TRUB2: variants seen among roughly 807,000 people sequenced by gnomAD.
The protein encoded by TRUB2 is TruB pseudouridine synthase family member 2.
TRUB2 carries 31 observed loss-of-function variants against 31.9 expected under a neutral mutation model. The observed-to-expected ratio is 0.97, with a 90% confidence interval of 0.73 to 1.31. The LOEUF is 1.31. TRUB2 is among the 50% of genes most tolerant of loss of function. The pLI is 0.00. For missense variants in TRUB2, 451 were observed against 439.6 expected (o/e 1.03, Z -0.23); for synonymous variants, 201 against 182.6 (o/e 1.10, Z -0.81).
In TRUB2 at chr9:128,317,192, G is replaced by A. The variant is rs763500265; in HGVS notation, c.276C>T (p.Gly92=). ...CGPAFAHLKV[G]VGHRLDAQAS... is the part of the protein sequence containing the mutation. Reference sequence around the variant, plus strand: ...CCTGGGCATCCAACCGATGTCCCACGCCAACCTTGAGATGGGCGAATGCTG... The same window carrying A: ...CCTGGGCATCCAACCGATGTCCCACACCAACCTTGAGATGGGCGAATGCTG... The change falls in exon 3 of 8, where the codon GGC becomes GGT. Residue 92 remains glycine (G), a synonymous_variant. Coordinates refer to ENST00000372890, the MANE Select transcript of TRUB2 (RefSeq NM_015679.3). The A allele has an allele frequency of 1.9e-6, 3 of 1,594,606 alleles. No individual in the cohort carries two copies. Among genetic ancestry groups the A allele is most frequent in the Non-Finnish European group, 1.7e-6 (2 of 1,168,978 alleles).
At position 128,307,928 on chromosome 9, in the gene TRUB2, G is replaced by A. The variant is rs999818267; in HGVS notation, c.*1622C>T. 4.0e-5 allele frequency: 6 copies of A among 151,890 alleles called. No individual in the cohort carries two copies. Among genetic ancestry groups the A allele is most frequent in the African/African-American group, 1.5e-4 (6 of 41,270 alleles). The allele number at this position is 151,890 out of a possible 1,614,324, so 9.4% of individuals were successfully genotyped here. A position where few individuals can be genotyped will look rare whatever the true frequency, so the allele number is the denominator to read the frequency against. ...AAAACAAAAACAGGCCGGGTGTGGT[G>A]GCTCATGCCTGCCATCCCAGTGCTT... On this transcript the variant is annotated 3_prime_UTR_variant, in exon 8 of 8. Coordinates refer to ENST00000372890, the MANE Select transcript of TRUB2 (RefSeq NM_015679.3).
chr9:128,311,161 C>T, intron 6 of TRUB2, 138 bp from the exon 7 acceptor site: 1 of 1,198,158 alleles, frequency 8.3e-7, no homozygotes, highest in Non-Finnish European at 1.2e-6. Context: ...TGCCCTCCTT[C>T]ATCACCAGGT....
intron 5 of TRUB2, among the ~76,000 whole-genome samples, chr9:128,313,037 G>A (rs1832000810): frequency 6.6e-6 from 1 of 151,836 alleles, no homozygotes; most frequent in African/African-American, 2.4e-5. Flanking sequence ...CCAACAGGGT[G>A]AAACCCAATT....
chr9:128,309,731 G>T lies in TRUB2; in HGVS notation c.815C>A (p.Thr272Asn), dbSNP rs774465094. The T allele has an allele frequency of 6.2e-7, 1 of 1,614,248 alleles. No individual in the cohort carries two copies. The highest frequency in any genetic ancestry group is 1.7e-5 in the Admixed American group (1 of 60,030). ...FFTLDSALLR[T>N]QWDLTNIQDA... ...CTGGATGTTGGTTAGGTCCCACTGG[G>T]TCCTCAGGAGGGCACTGTCTAGCGT... The change falls in exon 8 of 8, where the codon ACC becomes AAC. Residue 272 changes from threonine (T) to asparagine (N), a missense_variant. Transcript: ENST00000372890.
chr9:128,315,317 T>C (rs1249043702), intron 4 of TRUB2, among the ~76,000 whole-genome samples: 1 of 152,220 alleles, frequency 6.6e-6, no homozygotes, highest in African/African-American at 2.4e-5. Context: ...GATTCCACTT[T>C]ACAGGGAGGC....
At chr9:128,311,651 T>C in intron 5 of TRUB2, 50 bp from the exon 6 acceptor site, 3 of 1,594,764 alleles carry the variant, frequency 1.9e-6, no homozygotes, top group Non-Finnish European at 2.6e-6. Flanking sequence ...TGAGTATTGG[T>C]CACAGCAAAC....
At chr9:128,311,700 G>A in intron 5 of TRUB2, 99 bp from the exon 6 acceptor site, 1 of 1,325,170 alleles carries the variant, frequency 7.5e-7, no homozygotes, top group Non-Finnish European at 1.1e-6. Flanking sequence ...GGAACATGGA[G>A]AGAGGATGTT....
At chr9:128,315,746 G>T in intron 3 of TRUB2, 118 bp from the exon 4 acceptor site, 1 of 1,205,434 alleles carries the variant, frequency 8.3e-7, no homozygotes, top group Non-Finnish European at 1.2e-6. Context: ...AAGGCAACAA[G>T]AAGGCAAAAA....
intron 1 of TRUB2, 137 bp downstream of exon 1, chr9:128,322,163 C>G: frequency 1.5e-6 from 1 of 671,432 alleles, no homozygotes; most frequent in South Asian, 1.8e-5. Context: ...TAAGAAAGCA[C>G]AGAGAACAGG....
rs1216542042 is a variant in TRUB2 at position 128,321,661 on chromosome 9, C to T, written c.179G>A (p.Ser60Asn). ...VRFLLGPMEGSEEKELTLTAT... is the reference protein window; with the variant it reads ...VRFLLGPMEGNEEKELTLTAT... ...TGTGAGGGTCAGCTCCTTCTCTTCG[C>T]TGCCTTCCATGGGGCCCAGCAAGAA... The change falls in exon 2 of 8, where the codon AGC (serine) becomes AAC (asparagine). Residue 60 changes from serine to asparagine, a missense_variant. Coordinates refer to ENST00000372890, the MANE Select transcript of TRUB2 (RefSeq NM_015679.3). 17 of 1,614,014 alleles carry T rather than the reference C, an allele frequency of 1.1e-5. No homozygotes were observed. Among genetic ancestry groups the T allele is most frequent in the Admixed American group, 3.3e-5 (2 of 60,032 alleles).
rs2131437643 is a variant in TRUB2 at position 128,306,326 on chromosome 9, T to TACC, written c.*3221_*3223dup. On this transcript the variant is annotated 3_prime_UTR_variant, in exon 8 of 8. Coordinates refer to ENST00000372890, the MANE Select transcript of TRUB2 (RefSeq NM_015679.3). ...CAGCCCATGTGCCCTACGTTCAAGTTACCTAATTTTTCCAAAGAACTGAGT... is the reference window on the plus strand; with the variant it reads ...CAGCCCATGTGCCCTACGTTCAAGTTACCACCTAATTTTTCCAAAGAACTGAGT... 6.6e-6 allele frequency: 1 copy of TACC among 152,190 alleles called. No homozygotes were observed. The highest frequency in any genetic ancestry group is 2.1e-4 in the South Asian group (1 of 4,824). 9.4% of individuals were successfully genotyped at this position (152,190 alleles called of 1,614,324 possible). A position where few individuals can be genotyped will look rare whatever the true frequency, so the allele number is the denominator to read the frequency against.
At chr9:128,314,791 T>G (rs533019534) in intron 4 of TRUB2, among the ~76,000 whole-genome samples, 1 of 152,264 alleles carries the variant, frequency 6.6e-6, no homozygotes, top group East Asian at 1.9e-4. Context: ...TTGCCCAGAC[T>G]GGTCTCAAAT....
intron 7 of TRUB2, among the ~76,000 whole-genome samples, chr9:128,310,102 CCCTTT>C (rs1831942835): frequency 6.6e-6 from 1 of 152,042 alleles, no homozygotes; most frequent in African/African-American, 2.4e-5. Context: ...TCAGAATCTG[CCCTTT>C]TTTGGCAACA....
chr9:128,317,334 T>G (rs768643471), intron 2 of TRUB2, 108 bp from the exon 3 acceptor site: 33 of 983,908 alleles, frequency 3.4e-5, no homozygotes, highest in Non-Finnish European at 5.0e-5. Context: ...GAGCCCAAAC[T>G]AGCATCAGGC....
intron 4 of TRUB2, 85 bp from the exon 5 acceptor site, chr9:128,313,974 T>C: frequency 8.0e-7 from 1 of 1,246,492 alleles, no homozygotes; most frequent in Non-Finnish European, 1.2e-6. Flanking sequence ...GGGTGGGGGG[T>C]CCTCAGGTCT....
In TRUB2 at chr9:128,309,948, C is replaced by T. The variant is rs569620729; in HGVS notation, c.671-73G>A. 1.7e-3 allele frequency: 2,577 copies of T among 1,479,312 alleles called. 5 individuals carry two copies. The highest frequency in any genetic ancestry group is 2.2e-3 in the Non-Finnish European group (2,418 of 1,086,492). The allele number at this position is 1,479,312 out of a possible 1,614,324, so 91.6% of individuals were successfully genotyped here. A position where few individuals can be genotyped will look rare whatever the true frequency, so the allele number is the denominator to read the frequency against. On this transcript the variant is annotated intron_variant, in intron 7 of 7. Coordinates refer to ENST00000372890, the MANE Select transcript of TRUB2 (RefSeq NM_015679.3). ...TAGTGTGTGGTTGTGAACGCACACC[C>T]CTTGGATACCTCCTAGGTGTGTAAC...
At chr9:128,317,554 G>A (rs1210982700) in intron 2 of TRUB2, among the ~76,000 whole-genome samples, 1 of 152,204 alleles carries the variant, frequency 6.6e-6, no homozygotes, top group Non-Finnish European at 1.5e-5. Context: ...GGAGGAAAAT[G>A]GAGGCTGTGA....
At chr9:128,315,712 A>T in intron 3 of TRUB2, 84 bp from the exon 4 acceptor site, 1 of 1,472,786 alleles carries the variant, frequency 6.8e-7, no homozygotes, top group Admixed American at 1.9e-5. Context: ...CACCATCAGA[A>T]TACTCCCTTT....
intron 2 of TRUB2, 47 bp downstream of exon 2, chr9:128,321,552 G>A (rs1304952616): frequency 6.2e-7 from 1 of 1,610,606 alleles, no homozygotes. Flanking sequence ...TCGGCTCAGG[G>A]ATTTCCTGGG....
Sources: allele counts gnomAD v4.1 joint callset (sites outside exome capture counted in the v4.1 genomes callset), GRCh38; gene constraint gnomAD v4.1.1; transcripts MANE v1.5; gene names NCBI Gene and HGNC (gene_info 2026-07-23, HGNC 2026-07-21).